DENND1B: variants seen among roughly 807,000 people sequenced by gnomAD.
The protein encoded by DENND1B is DENN domain containing 1B, also known as DENN domain-containing protein 1B.
In DENND1B, 59 loss-of-function variants were observed where a neutral mutation model predicts 90.1. The ratio of observed to expected loss-of-function variants is 0.65; its 90% CI spans 0.53 to 0.81. The LOEUF (loss-of-function observed/expected upper bound fraction) is 0.81. Among genes scored for constraint, DENND1B ranks in the 40% least tolerant of loss-of-function variants. The pLI is 0.00. For synonymous variants in DENND1B, 337 were observed against 324.6 expected, an observed-to-expected ratio of 1.04 and a Z score of -0.41; for missense variants, 862 against 912.6, an observed-to-expected ratio of 0.94 and a Z score of 0.71.
chr1:197,655,779 G>T (rs147095124), intron 6 of DENND1B, among the ~76,000 whole-genome samples: 3 of 151,990 alleles, frequency 2.0e-5, no homozygotes, highest in Non-Finnish European at 4.4e-5. Context: ...TGATCCGCCC[G>T]CCTCGGCCTC....
chr1:197,735,719 T>C (rs1662603158), intron 2 of DENND1B: 2 of 1,613,660 alleles, frequency 1.2e-6, no homozygotes, highest in Non-Finnish European at 1.7e-6. Flanking sequence ...ACAGGAAAGT[T>C]TTCCAGTTTC....
At chr1:197,742,368 T>C (rs1478792470) in intron 2 of DENND1B, among the ~76,000 whole-genome samples, 2 of 152,156 alleles carry the variant, frequency 1.3e-5, no homozygotes, top group African/African-American at 2.4e-5. Context: ...TACCCACTTA[T>C]ATAATACTCT....
rs748156222 is a variant in DENND1B, at chr1:197,672,104, C to T, written c.229G>A (p.Glu77Lys). Residue 77 changes from glutamate (E) to lysine (K), a missense_variant, in exon 5 of 23, where the codon GAA becomes AAA. Glu to Lys is a moderately conservative substitution (Grantham distance 56). Transcript: ENST00000620048. ...QHFTFVLTDI[E>K]SKQRFGFCRL... ...CAGAATCCAAATCTCTGTTTACTTTCAATGTCTGTCAGTACAAAGGTAAAG... is the reference window on the plus strand; with the variant it reads ...CAGAATCCAAATCTCTGTTTACTTTTAATGTCTGTCAGTACAAAGGTAAAG... 1.9e-5 allele frequency: 30 copies of T among 1,612,638 alleles called. No individual in the cohort carries two copies. Among genetic ancestry groups the T allele is most frequent in the Non-Finnish European group, 2.5e-5 (30 of 1,179,194 alleles).
Position 197,578,700 on chromosome 1 carries a change from A to T in DENND1B, c.1149+4452T>A, listed in dbSNP as rs971405215. On this transcript the variant is annotated intron_variant, in intron 15 of 22. Coordinates refer to ENST00000620048, the MANE Select transcript of DENND1B (RefSeq NM_001195215.2). The stretch of plus-strand genomic sequence containing the variant: ...CACACTATTGTCAATTAAAATTTTT[A>T]AAAAATAAAATACAACAAAAATTAT... Among the ~76,000 whole-genome samples, 4 of 152,348 alleles carry T rather than the reference A, an allele frequency of 2.6e-5. 1 individual carries two copies. The South Asian group carries it at 6.2e-4, about 24-fold the overall frequency.
intron 15 of DENND1B, among the ~76,000 whole-genome samples, chr1:197,562,762 C>G (rs1293256141): frequency 6.6e-6 from 1 of 151,938 alleles, no homozygotes; most frequent in Non-Finnish European, 1.5e-5. Context: ...AAAACTGAGA[C>G]AGCCTGAAAG....
intron 14 of DENND1B, among the ~76,000 whole-genome samples, chr1:197,592,627 T>C (rs902099099): frequency 6.6e-6 from 1 of 152,034 alleles, no homozygotes; most frequent in African/African-American, 2.4e-5. Flanking sequence ...TAAGTAAATG[T>C]GTGGAAGCCT....
At chr1:197,545,016 C>T (rs575822621) in intron 18 of DENND1B, among the ~76,000 whole-genome samples, 1,166 of 23,712 alleles carry the variant, frequency 0.049, 23 homozygotes, top group African/African-American at 0.13. Context: ...ACGACGACGA[C>T]GACGAAAGAA....
chr1:197,567,764 T>G (rs952973896), intron 15 of DENND1B, among the ~76,000 whole-genome samples: 1 of 151,994 alleles, frequency 6.6e-6, no homozygotes, highest in Non-Finnish European at 1.5e-5. Context: ...AAATCAACAC[T>G]CATGATGAAA....
chr1:197,552,239 T>C, intron 16 of DENND1B: 1 of 984,428 alleles, frequency 1.0e-6, no homozygotes, highest in Non-Finnish European at 1.2e-6. Context: ...AGGCCAAAAA[T>C]TAACACACTA....
At chr1:197,725,364 T>C (rs1661534455) in intron 2 of DENND1B, among the ~76,000 whole-genome samples, 3 of 151,976 alleles carry the variant, frequency 2.0e-5, no homozygotes, top group Non-Finnish European at 4.4e-5. Flanking sequence ...AATAAATACA[T>C]TTTCAGAAAG....
the DENND1B span, among the ~76,000 whole-genome samples, chr1:197,781,795 C>T: frequency 6.6e-6 from 1 of 152,164 alleles, no homozygotes; most frequent in South Asian, 2.1e-4. Flanking sequence ...TAAATTTTGA[C>T]ACCTTTACTA....
At chr1:197,646,435 T>C (rs1680739826) in intron 8 of DENND1B, among the ~76,000 whole-genome samples, 1 of 152,014 alleles carries the variant, frequency 6.6e-6, no homozygotes, top group Admixed American at 6.5e-5. Flanking sequence ...ACATTGTGTA[T>C]ATATGCCTTC....
At chr1:197,513,201 G>A (rs1421445444) in intron 20 of DENND1B, among the ~76,000 whole-genome samples, 2 of 149,884 alleles carry the variant, frequency 1.3e-5, no homozygotes, top group African/African-American at 4.9e-5. Flanking sequence ...CAGATCACTG[G>A]ATTGAATACA....
At chr1:197,540,455 T>C (rs1670253844) in intron 19 of DENND1B, among the ~76,000 whole-genome samples, 1 of 152,152 alleles carries the variant, frequency 6.6e-6, no homozygotes, top group Admixed American at 6.5e-5. Context: ...TCTGTGAAGA[T>C]ACAAATTAAA....
chr1:197,688,153 A>G (rs892751944), intron 3 of DENND1B, among the ~76,000 whole-genome samples: 2 of 152,082 alleles, frequency 1.3e-5, no homozygotes, highest in Non-Finnish European at 2.9e-5. Context: ...TAAAACACTG[A>G]TGAAATAAAT....
At chr1:197,720,116 C>T (rs539930883) in intron 2 of DENND1B, among the ~76,000 whole-genome samples, 1 of 152,190 alleles carries the variant, frequency 6.6e-6, no homozygotes, top group South Asian at 2.1e-4. Context: ...TCCAAGTGTA[C>T]TATATAAATA....
intron 13 of DENND1B, among the ~76,000 whole-genome samples, chr1:197,596,810 C>T (rs749592772): frequency 2.5e-4 from 38 of 151,816 alleles, no homozygotes; most frequent in Non-Finnish European, 5.0e-4. Flanking sequence ...TTGAATAATG[C>T]TAATGAGAAA....
At chr1:197,724,475 C>T (rs939928315) in intron 2 of DENND1B, among the ~76,000 whole-genome samples, 1 of 152,038 alleles carries the variant, frequency 6.6e-6, no homozygotes, top group African/African-American at 2.4e-5. Flanking sequence ...AGGAATGGAT[C>T]CTGTCACCCT....
At chr1:197,656,242 C>A (rs921797357) in intron 6 of DENND1B, among the ~76,000 whole-genome samples, 2 of 151,570 alleles carry the variant, frequency 1.3e-5, no homozygotes, top group Middle Eastern at 3.2e-3. Flanking sequence ...ATAAATAACA[C>A]CAAAATTTTA....
Sources: allele counts gnomAD v4.1 joint callset (sites outside exome capture counted in the v4.1 genomes callset), GRCh38; gene constraint gnomAD v4.1.1; transcripts MANE v1.5; gene names NCBI Gene and HGNC (gene_info 2026-07-23, HGNC 2026-07-21).